CWC27: variants seen among roughly 807,000 people sequenced by gnomAD.
CWC27 encodes CWC27 spliceosome associated cyclophilin.
Under a neutral mutation model 63.6 loss-of-function variants are expected in CWC27, and 47 were observed. The observed-to-expected ratio is 0.74, with a 90% CI of 0.58 to 0.94. CWC27 has a LOEUF of 0.94. Ranked by LOEUF, CWC27 falls within the 40% of genes least tolerant of loss-of-function variation. The pLI is 0.00. For missense variants in CWC27, 495 were observed against 554.3 expected, an observed-to-expected ratio of 0.89 and a Z score of 1.07; for synonymous variants, 175 against 179.8, an observed-to-expected ratio of 0.97 and a Z score of 0.22.
At chr5:64,981,579 T>G (rs1219824766) in intron 13 of CWC27, among the ~76,000 whole-genome samples, 4 of 152,222 alleles carry the variant, frequency 2.6e-5, no homozygotes, top group Admixed American at 2.6e-4. Flanking sequence ...GCTTTCTCAG[T>G]AAGTACACAT....
intron 11 of CWC27, 123 bp downstream of exon 11, chr5:64,885,669 C>T: frequency 4.7e-6 from 3 of 640,792 alleles, no homozygotes; most frequent in Non-Finnish European, 8.0e-6. Flanking sequence ...TTTTTTCTTC[C>T]CTCTTTCTTT....
chr5:64,908,645 C>G (rs1481229350), intron 11 of CWC27, among the ~76,000 whole-genome samples: 1 of 152,188 alleles, frequency 6.6e-6, no homozygotes, highest in East Asian at 1.9e-4. Context: ...TAATGGCCTT[C>G]TTTGTCTCTT....
intron 10 of CWC27, among the ~76,000 whole-genome samples, chr5:64,870,404 C>T (rs1234675709): frequency 6.6e-6 from 1 of 151,206 alleles, no homozygotes; most frequent in Admixed American, 6.6e-5. Flanking sequence ...GTAATATAGT[C>T]ACTCCAAAAT....
intron 11 of CWC27, among the ~76,000 whole-genome samples, chr5:64,934,977 A>G (rs2112406803): frequency 6.6e-6 from 1 of 152,174 alleles, no homozygotes; most frequent in South Asian, 2.1e-4. Context: ...AGATTTATTT[A>G]AGTTCCTTGT....
chr5:64,825,678 T>C (rs1421160183), intron 10 of CWC27, among the ~76,000 whole-genome samples: 1 of 152,222 alleles, frequency 6.6e-6, no homozygotes, highest in East Asian at 1.9e-4. Flanking sequence ...GAAATTTCCC[T>C]CTCAGCACTG....
intron 10 of CWC27, among the ~76,000 whole-genome samples, chr5:64,878,954 C>A (rs1011163118): frequency 1.3e-5 from 2 of 151,742 alleles, no homozygotes; most frequent in Non-Finnish European, 2.9e-5. Context: ...GGGAGTAGAA[C>A]TGTAGGATTT....
At chr5:65,016,713 C>A (rs187585499) in intron 13 of CWC27, among the ~76,000 whole-genome samples, 8 of 152,194 alleles carry the variant, frequency 5.3e-5, no homozygotes, top group Non-Finnish European at 1.0e-4. Flanking sequence ...TTTTATTTCC[C>A]TCCTAAAATC....
intron 13 of CWC27, among the ~76,000 whole-genome samples, chr5:64,991,306 GGGGATAGTACTCTCCAATGTCCC>G (rs1192197237): frequency 4.1e-4 from 63 of 152,166 alleles, no homozygotes; most frequent in East Asian, 7.7e-4. Context: ...CAGGGCTTTT[GGGGATAGTACTCTCCAATGTCCC>G]TTCAATACAT....
At chr5:65,004,903 T>TACACAC (rs1301869526) in intron 13 of CWC27, among the ~76,000 whole-genome samples, 1 of 59,722 alleles carries the variant, frequency 1.7e-5, no homozygotes, top group African/African-American at 5.8e-5. Context: ...TATATATATA[T>TACACAC]ATACATACAC....
intron 10 of CWC27, chr5:64,804,934 G>C (rs190685382): frequency 4.2e-4 from 63 of 151,258 alleles, no homozygotes; most frequent in African/African-American, 1.4e-3. Flanking sequence ...AAGTTTGTTG[G>C]ATTTATGACT....
intron 7 of CWC27, among the ~76,000 whole-genome samples, chr5:64,790,661 T>A (rs936280441): frequency 1.3e-5 from 2 of 152,100 alleles, no homozygotes; most frequent in Admixed American, 1.3e-4. Context: ...TTCTACTACT[T>A]CTACCTCCCC....
At chr5:64,800,030 C>T (rs1029232186) in intron 7 of CWC27, among the ~76,000 whole-genome samples, 1 of 152,016 alleles carries the variant, frequency 6.6e-6, no homozygotes, top group Non-Finnish European at 1.5e-5. Flanking sequence ...AATGATATAT[C>T]ATTTTTTGAA....
intron 11 of CWC27, among the ~76,000 whole-genome samples, chr5:64,945,037 G>A (rs1748561371): frequency 6.6e-6 from 1 of 152,034 alleles, no homozygotes; most frequent in Non-Finnish European, 1.5e-5. Context: ...GCTTATCTGA[G>A]TACACATTTG....
At chr5:64,928,350 G>T (rs1334893951) in intron 11 of CWC27, among the ~76,000 whole-genome samples, 7 of 152,076 alleles carry the variant, frequency 4.6e-5, no homozygotes, top group African/African-American at 1.7e-4. Flanking sequence ...ACTCACTTAA[G>T]TATACAATAT....
chr5:64,794,761 AAC>A (rs1744204581), intron 7 of CWC27, among the ~76,000 whole-genome samples: 1 of 152,188 alleles, frequency 6.6e-6, no homozygotes, highest in Admixed American at 6.6e-5. Context: ...TGCTTTCTTA[AAC>A]AATGCTTTTA....
rs70983650 is a variant in CWC27 at position 64,776,068 on chromosome 5, C to CGAGAGAGAGAGA, written c.139+1324_139+1335dup. Among the ~76,000 whole-genome samples, 235 of 108,606 alleles carry CGAGAGAGAGAGA rather than the reference C, an allele frequency of 2.2e-3. 6 individuals are homozygous for CGAGAGAGAGAGA. Among genetic ancestry groups the CGAGAGAGAGAGA allele is most frequent in the African/African-American group, 4.1e-3 (108 of 26,602 alleles). 71.2% of individuals were successfully genotyped at this position (108,606 alleles called of 152,430 possible). ...AAGAGAGAGGTGGGGAGGAGTGGAG[C>CGAGAGAGAGAGA]GAGAGAGAGAGAGAGAGAGAGAGAG... On this transcript the variant is annotated intron_variant, in intron 2 of 13. Transcript: ENST00000381070.
intron 13 of CWC27, among the ~76,000 whole-genome samples, chr5:64,981,144 C>G (rs1012654471): frequency 6.6e-6 from 1 of 151,864 alleles, no homozygotes; most frequent in African/African-American, 2.4e-5. Context: ...CAGACACACT[C>G]AAAAAAGGTA....
chr5:64,936,315 A>C (rs184937363), intron 11 of CWC27, among the ~76,000 whole-genome samples: 12 of 152,260 alleles, frequency 7.9e-5, no homozygotes, highest in Admixed American at 7.8e-4. Context: ...ATGAAGGGCT[A>C]TTGAATTTTA....
At chr5:64,878,472 A>T (rs1285779982) in intron 10 of CWC27, among the ~76,000 whole-genome samples, 15 of 23,382 alleles carry the variant, frequency 6.4e-4, no homozygotes, top group African/African-American at 9.9e-4. Context: ...TTACAGATTA[A>T]AAAAAAAAAA....
Sources: allele counts gnomAD v4.1 joint callset (sites outside exome capture counted in the v4.1 genomes callset), GRCh38; gene constraint gnomAD v4.1.1; transcripts MANE v1.5; gene names NCBI Gene and HGNC (gene_info 2026-07-23, HGNC 2026-07-21).